ATP8A2: variants seen among roughly 807,000 people sequenced by gnomAD.
The protein encoded by ATP8A2 is ATPase phospholipid transporting 8A2.
Under a neutral mutation model 165.6 loss-of-function variants are expected in ATP8A2, and 100 were observed. That is an observed-to-expected ratio of 0.60 (90% CI 0.51 to 0.71). The LOEUF (loss-of-function observed/expected upper bound fraction) is 0.71, where lower values mean the gene tolerates loss of function less well. Ranked by LOEUF, ATP8A2 falls within the 30% of genes least tolerant of loss-of-function variation. The pLI is 0.00. For synonymous variants in ATP8A2, 543 were observed against 548.8 expected (o/e 0.99, Z 0.15); for missense variants, 1,227 against 1,479.5 (o/e 0.83, Z 2.80).
chr13:25,887,580 C>T (rs1048209699), intron 33 of ATP8A2, among the ~76,000 whole-genome samples: 6 of 152,188 alleles, frequency 3.9e-5, no homozygotes, highest in African/African-American at 1.4e-4. Context: ...TCGTGATCTT[C>T]CCGCCTCGGC....
intron 25 of ATP8A2, among the ~76,000 whole-genome samples, chr13:25,714,558 A>T (rs1338080881): frequency 2.6e-5 from 4 of 152,198 alleles, no homozygotes; most frequent in Non-Finnish European, 5.9e-5. Context: ...GTGTCTCCTT[A>T]GCCTTCTCTT....
chr13:25,494,490 G>A (rs977201808), intron 2 of ATP8A2, among the ~76,000 whole-genome samples: 5 of 152,136 alleles, frequency 3.3e-5, no homozygotes, highest in Non-Finnish European at 5.9e-5. Context: ...TGTTTGGCAG[G>A]GATGAAGGTA....
chr13:25,884,209 A>G lies in ATP8A2; in HGVS notation c.3183+21801A>G, dbSNP rs147810497. Among the ~76,000 whole-genome samples, 762 of 152,244 alleles carry G rather than the reference A, an allele frequency of 5.0e-3. 6 individuals carry two copies. Among genetic ancestry groups the G allele is most frequent in the African/African-American group, 0.016 (675 of 41,556 alleles). On this transcript the variant is annotated intron_variant, in intron 33 of 36. Coordinates refer to ENST00000381655, the MANE Select transcript of ATP8A2 (RefSeq NM_016529.6). ...GGTCAGTGGCCCTTAGCAAACCAGGACAAGTTGGAGTTACATGGGTCTCTG... is the reference window on the plus strand; with the variant it reads ...GGTCAGTGGCCCTTAGCAAACCAGGGCAAGTTGGAGTTACATGGGTCTCTG...
Position 25,968,557 on chromosome 13 carries a change from CT to C in ATP8A2, c.3273-14del. Reference sequence around the variant, plus strand: ...AGTCTCTATGCCATGTTCGTTTTGTCTTTTCCTCATAACACAGAGCCAAGCA... The same window carrying C: ...AGTCTCTATGCCATGTTCGTTTTGTCTTTCCTCATAACACAGAGCCAAGCA... On this transcript the variant is annotated splice_polypyrimidine_tract_variant and intron_variant, in intron 34 of 36. Coordinates refer to ENST00000381655, the MANE Select transcript of ATP8A2 (RefSeq NM_016529.6). 2 of 1,609,086 alleles carry C rather than the reference CT, an allele frequency of 1.2e-6. No homozygotes were observed. Among genetic ancestry groups the C allele is most frequent in the Non-Finnish European group, 1.7e-6 (2 of 1,177,374 alleles).
intron 2 of ATP8A2, among the ~76,000 whole-genome samples, chr13:25,478,811 C>T (rs1195218292): frequency 6.6e-6 from 1 of 151,964 alleles, no homozygotes; most frequent in Non-Finnish European, 1.5e-5. Flanking sequence ...CTGTCTATAT[C>T]AGTGGTCTCC....
chr13:25,570,012 T>C (rs908698465), intron 16 of ATP8A2, among the ~76,000 whole-genome samples: 2 of 152,298 alleles, frequency 1.3e-5, no homozygotes, highest in East Asian at 3.9e-4. Context: ...AGCATTATTT[T>C]CCCACTAGTT....
At chr13:25,528,703 C>T (rs1189681787) in intron 2 of ATP8A2, among the ~76,000 whole-genome samples, 1 of 152,070 alleles carries the variant, frequency 6.6e-6, no homozygotes, top group African/African-American at 2.4e-5. Context: ...GGTACATGTG[C>T]ACAACGTGCA....
intron 1 of ATP8A2, among the ~76,000 whole-genome samples, chr13:25,412,131 A>G (rs555825345): frequency 2.6e-5 from 4 of 152,290 alleles, no homozygotes; most frequent in African/African-American, 9.6e-5. Flanking sequence ...CCTCTCAGAG[A>G]CAGGCAGGCA....
At chr13:25,549,383 C>A (rs1284831623) in intron 10 of ATP8A2, among the ~76,000 whole-genome samples, 1 of 149,498 alleles carries the variant, frequency 6.7e-6, no homozygotes, top group African/African-American at 2.5e-5. Flanking sequence ...TCACTTGAAC[C>A]GGGGAGGCAG....
intron 25 of ATP8A2, among the ~76,000 whole-genome samples, chr13:25,736,794 C>G (rs1307943697): frequency 6.6e-6 from 1 of 152,110 alleles, no homozygotes; most frequent in Admixed American, 6.5e-5. Flanking sequence ...CAGGCAGGCT[C>G]TAGTTGATCA....
chr13:25,996,144 C>G (rs1291241465), intron 35 of ATP8A2, among the ~76,000 whole-genome samples: 1 of 152,114 alleles, frequency 6.6e-6, no homozygotes, highest in African/African-American at 2.4e-5. Context: ...CCATCATTTT[C>G]TATCTGCCTA....
chr13:25,538,176 C>A, intron 7 of ATP8A2, 115 bp downstream of exon 7: 2 of 616,968 alleles, frequency 3.2e-6, no homozygotes, highest in Non-Finnish European at 5.7e-6. Flanking sequence ...CTCTCTCTGT[C>A]CCATTCTTCC....
At chr13:25,992,946 T>C (rs1271249915) in intron 35 of ATP8A2, among the ~76,000 whole-genome samples, 2 of 148,558 alleles carry the variant, frequency 1.3e-5, no homozygotes, top group Non-Finnish European at 3.0e-5. Context: ...GTGTTTGGTT[T>C]TTTGTTCTTG....
chr13:25,868,173 C>G, intron 33 of ATP8A2: 1 of 455,286 alleles, frequency 2.2e-6, no homozygotes, highest in South Asian at 1.6e-5. Context: ...AAGCTTAGGA[C>G]TTTAGCATAT....
chr13:25,911,142 C>CT (rs932737719), intron 33 of ATP8A2, among the ~76,000 whole-genome samples: 7 of 152,126 alleles, frequency 4.6e-5, no homozygotes, highest in Non-Finnish European at 1.0e-4. Flanking sequence ...TTTCTCTCCT[C>CT]TTTTCAAGCC....
chr13:25,980,992 C>T (rs993745264), intron 35 of ATP8A2, among the ~76,000 whole-genome samples: 1 of 152,148 alleles, frequency 6.6e-6, no homozygotes, highest in African/African-American at 2.4e-5. Context: ...ATTTATTGTT[C>T]TAAAGTCAAT....
chr13:25,491,812 TG>T (rs1406348232), intron 2 of ATP8A2, among the ~76,000 whole-genome samples: 2 of 152,214 alleles, frequency 1.3e-5, no homozygotes, highest in East Asian at 3.8e-4. Flanking sequence ...AAAGAAAATA[TG>T]ACATTAGTGG....
chr13:25,582,651 T>C (rs1036238366), intron 23 of ATP8A2, among the ~76,000 whole-genome samples: 2 of 152,250 alleles, frequency 1.3e-5, no homozygotes, highest in Admixed American at 1.3e-4. Context: ...AAGTAGACTC[T>C]ATTTCTATAT....
chr13:25,738,838 G>A (rs2043844079), intron 25 of ATP8A2, among the ~76,000 whole-genome samples: 1 of 152,168 alleles, frequency 6.6e-6, no homozygotes, highest in South Asian at 2.1e-4. Context: ...CAGCTGTTTG[G>A]CACAGGATAT....
Sources: gnomAD v4.1 joint callset for allele counts (sites outside exome capture counted in the v4.1 genomes callset) on GRCh38, gnomAD v4.1.1 for gene constraint, MANE v1.5 for transcripts, NCBI Gene and HGNC (gene_info 2026-07-23, HGNC 2026-07-21) for gene names.